Variants in PTPRO observed in about 807,000 individuals in gnomAD.
PTPRO encodes the protein protein tyrosine phosphatase receptor type O.
A neutral mutation model predicts 145.2 loss-of-function variants in PTPRO; 62 were observed. That is an observed-to-expected ratio of 0.43 (90% CI 0.35 to 0.53). PTPRO has a LOEUF of 0.53. PTPRO is among the 20% of genes least tolerant of loss of function. The probability of loss-of-function intolerance (pLI) is 0.01; values close to 1 mark genes in which losing one functional copy is unlikely to be tolerated. For synonymous variants in PTPRO, 565 were observed against 514.7 expected (o/e 1.10, Z -1.32); for missense variants, 1,345 against 1,482.7 (o/e 0.91, Z 1.53).
intron 1 of PTPRO, among the ~76,000 whole-genome samples, chr12:15,471,489 C>T (rs1941540796): frequency 1.3e-5 from 2 of 152,184 alleles, no homozygotes. Context: ...TAGTAATCCA[C>T]AGCCCATTGT....
chr12:15,474,360 T>A (rs182965891), intron 1 of PTPRO, among the ~76,000 whole-genome samples: 1 of 152,264 alleles, frequency 6.6e-6, no homozygotes, highest in East Asian at 1.9e-4. Flanking sequence ...GAAGACTGCT[T>A]CCAGAACAGG....
chr12:15,535,384 A>C (rs1169261681), intron 12 of PTPRO, among the ~76,000 whole-genome samples: 1 of 152,176 alleles, frequency 6.6e-6, no homozygotes, highest in Non-Finnish European at 1.5e-5. Context: ...GAAGCATCAG[A>C]AAGAGAGAGT....
At chr12:15,417,737 T>G (rs1440676689) in intron 1 of PTPRO, among the ~76,000 whole-genome samples, 2 of 151,806 alleles carry the variant, frequency 1.3e-5, no homozygotes, top group Non-Finnish European at 2.9e-5. Context: ...CCAGTGTGAC[T>G]AAAGGAATGA....
intron 1 of PTPRO, among the ~76,000 whole-genome samples, chr12:15,341,894 A>G (rs1867003855): frequency 1.3e-5 from 2 of 152,264 alleles, no homozygotes; most frequent in Admixed American, 6.5e-5. Flanking sequence ...AAAAATGACA[A>G]TCATAATCAC....
intron 1 of PTPRO, among the ~76,000 whole-genome samples, chr12:15,376,118 A>AATTTGATG (rs1938679162): frequency 6.6e-6 from 1 of 152,172 alleles, no homozygotes; most frequent in African/African-American, 2.4e-5. Flanking sequence ...AAACTCCCCA[A>AATTTGATG]ATTTGATGAA....
chr12:15,424,772 T>C lies in PTPRO; in HGVS notation c.76-59202T>C, dbSNP rs150333832. Among the ~76,000 whole-genome samples, 197 of 151,938 alleles carry C rather than the reference T, an allele frequency of 1.3e-3. 1 individual carries two copies. Among genetic ancestry groups the C allele is most frequent in the Non-Finnish European group, 2.4e-3 (161 of 67,914 alleles). On this transcript the variant is annotated intron_variant, in intron 1 of 26. Transcript: ENST00000281171. ...CAGGCCATCTCAAGCAGAGGAGACA[T>C]CAGTTGATTTTCAGCAAGTATGTAG...
At chr12:15,499,408 C>T in intron 3 of PTPRO, 34 bp from the exon 4 acceptor site, 4 of 1,596,180 alleles carry the variant, frequency 2.5e-6, no homozygotes, top group South Asian at 1.1e-5. Flanking sequence ...TTTAGAAGAC[C>T]ATATTTTTCA....
chr12:15,366,553 A>AT (rs1435228971), intron 1 of PTPRO, among the ~76,000 whole-genome samples: 1 of 152,220 alleles, frequency 6.6e-6, no homozygotes, highest in Non-Finnish European at 1.5e-5. Flanking sequence ...TTCAATGAAG[A>AT]TTTTAGTTAG....
In PTPRO at chr12:15,516,807, A is replaced by G. The variant is rs1267770558; in HGVS notation, c.1630A>G (p.Thr544Ala). ...TTTAATGCTCTATCCTTTGGGTCCT[A>G]CGGCCGTGGTTCTGAGCTGGACCAG... The part of the protein sequence containing the change: ...KDLMLYPLGP[T>A]AVVLSWTRPY... Residue 544 changes from threonine (T) to alanine (A), a missense_variant, in exon 9 of 27, where the codon ACG becomes GCG. Thr to Ala is a moderately conservative substitution (Grantham distance 58). Coordinates refer to ENST00000281171, the MANE Select transcript of PTPRO (RefSeq NM_030667.3). 5.0e-6 allele frequency: 8 copies of G among 1,612,302 alleles called. No individual in the cohort carries two copies. The highest frequency in any genetic ancestry group is 2.2e-5 in the South Asian group (2 of 91,058).
intron 23 of PTPRO, among the ~76,000 whole-genome samples, chr12:15,582,651 AAGGC>A (rs1210537827): frequency 6.6e-6 from 1 of 152,218 alleles, no homozygotes; most frequent in African/African-American, 2.4e-5. Flanking sequence ...TGGGGTATAT[AAGGC>A]ACACTTATGT....
At chr12:15,542,830 T>C (rs1165370777) in intron 12 of PTPRO, among the ~76,000 whole-genome samples, 2 of 152,188 alleles carry the variant, frequency 1.3e-5, no homozygotes, top group African/African-American at 4.8e-5. Flanking sequence ...ACCTCTCAAT[T>C]TGGACTAGCC....
chr12:15,337,555 T>C (rs957070011), intron 1 of PTPRO: 1 of 151,900 alleles, frequency 6.6e-6, no homozygotes, highest in Non-Finnish European at 1.5e-5. Context: ...ATCTCTGCTC[T>C]AAGATGAACT....
At chr12:15,440,105 C>A in intron 1 of PTPRO, 1 of 632,534 alleles carries the variant, frequency 1.6e-6, no homozygotes, top group South Asian at 1.7e-5. Flanking sequence ...GCTGGTGCAC[C>A]TCATCCCTGA....
chr12:15,437,567 T>G (rs888069365), intron 1 of PTPRO, among the ~76,000 whole-genome samples: 5 of 152,188 alleles, frequency 3.3e-5, no homozygotes, highest in African/African-American at 4.8e-5. Flanking sequence ...TTCTGCTCCA[T>G]GCTCAGGCAA....
At chr12:15,328,601 AG>A (rs1866516595) in intron 1 of PTPRO, among the ~76,000 whole-genome samples, 3 of 152,222 alleles carry the variant, frequency 2.0e-5, no homozygotes, top group African/African-American at 7.2e-5. Context: ...TTCAAGCTTG[AG>A]AGCGGTATTG....
intron 12 of PTPRO, among the ~76,000 whole-genome samples, chr12:15,532,771 G>A (rs565726720): frequency 6.6e-6 from 1 of 152,300 alleles, no homozygotes; most frequent in East Asian, 1.9e-4. Context: ...CTCTGACTCT[G>A]ACCTCTGTGG....
rs1939973785 is a variant in PTPRO, at chr12:15,416,342, CAG to C, written c.76-67629_76-67628del. Among the ~76,000 whole-genome samples, 3 of 140,098 alleles carry C rather than the reference CAG, an allele frequency of 2.1e-5. No homozygotes were observed. The South Asian group carries it at 6.6e-4, about 31-fold the overall frequency. 91.9% of individuals were successfully genotyped at this position (140,098 alleles called of 152,430 possible). A position where few individuals can be genotyped will look rare whatever the true frequency, so the allele number is the denominator to read the frequency against. On this transcript the variant is annotated intron_variant, in intron 1 of 26. Transcript: ENST00000281171. The stretch of plus-strand genomic sequence containing the variant: ...CTCTCTTTCTTTTTTTTTTTTGAGA[CAG>C]AGTCTCGCTCTGTCGCCCAGGCTGG...
At chr12:15,463,328 G>A (rs1941346633) in intron 1 of PTPRO, among the ~76,000 whole-genome samples, 1 of 152,114 alleles carries the variant, frequency 6.6e-6, no homozygotes, top group Admixed American at 6.5e-5. Context: ...TTAGCCCGGT[G>A]AATGAACAGC....
chr12:15,395,065 A>G (rs1939298716), intron 1 of PTPRO, among the ~76,000 whole-genome samples: 1 of 152,244 alleles, frequency 6.6e-6, no homozygotes, highest in Non-Finnish European at 1.5e-5. Flanking sequence ...CCTAGGAAAG[A>G]AAATATTTTA....
Sources: allele counts gnomAD v4.1 joint callset (sites outside exome capture counted in the v4.1 genomes callset), GRCh38; gene constraint gnomAD v4.1.1; transcripts MANE v1.5; gene names NCBI Gene and HGNC (gene_info 2026-07-23, HGNC 2026-07-21).